The following BHLHA15 variants were observed in gnomAD, a reference collection of about 807,000 sequenced individuals.
BHLHA15 encodes the protein basic helix-loop-helix family member a15.
A neutral mutation model predicts 10.4 loss-of-function variants in BHLHA15; 7 were observed. The ratio of observed to expected loss-of-function variants is 0.67; its 90% CI spans 0.38 to 1.26. The LOEUF (loss-of-function observed/expected upper bound fraction) is 1.26. BHLHA15 is among the 50% of genes most tolerant of loss of function. The pLI, the probability that BHLHA15 is intolerant of heterozygous loss-of-function variation, is 0.02. For synonymous variants in BHLHA15, 140 were observed against 131.5 expected (o/e 1.06, Z -0.44); for missense variants, 289 against 287.4 (o/e 1.01, Z -0.04).
In BHLHA15 at chr7:98,212,894, T is replaced by G; in HGVS notation, c.*15T>G. Reference sequence around the variant, plus strand: ...AGGGCACCTAGCGCCCAGTCCTGGGTGGGGGTGGCGGTGGCCGCAGCTGCC... The same window carrying G: ...AGGGCACCTAGCGCCCAGTCCTGGGGGGGGGTGGCGGTGGCCGCAGCTGCC... On this transcript the variant is annotated 3_prime_UTR_variant, in exon 2 of 2. Transcript: ENST00000609256. 6.6e-7 allele frequency: 1 copy of G among 1,515,900 alleles called. No homozygotes were observed. Among genetic ancestry groups the G allele is most frequent in the Non-Finnish European group, 8.8e-7 (1 of 1,138,994 alleles). The allele number at this position is 1,515,900 out of a possible 1,614,324, so 93.9% of individuals were successfully genotyped here. A position where few individuals can be genotyped will look rare whatever the true frequency, so the allele number is the denominator to read the frequency against.
At position 98,213,053 on chromosome 7, in the gene BHLHA15, G is replaced by GC; in HGVS notation, c.*178dup. On this transcript the variant is annotated 3_prime_UTR_variant, in exon 2 of 2. Coordinates refer to ENST00000609256, the MANE Select transcript of BHLHA15 (RefSeq NM_177455.4). ...CCACTTCCCTGGAGCAATTTTTCCT[G>GC]CCCCGCTGGGGACCAGCGAGTGGCC... The GC allele has an allele frequency of 1.5e-6, 1 of 645,322 alleles. No homozygotes were observed. The highest frequency in any genetic ancestry group is 2.5e-6 in the Non-Finnish European group (1 of 400,004). The allele number at this position is 645,322 out of a possible 1,614,324, so 40.0% of individuals were successfully genotyped here.
At position 98,212,442 on chromosome 7, in the gene BHLHA15, C is replaced by T; in HGVS notation, c.133C>T (p.Pro45Ser). 1.3e-6 allele frequency: 2 copies of T among 1,520,750 alleles called. No individual in the cohort carries two copies. The highest frequency in any genetic ancestry group is 2.2e-5 in the Admixed American group (1 of 45,778). The allele number at this position is 1,520,750 out of a possible 1,614,324, so 94.2% of individuals were successfully genotyped here. ...PEPAKGLRSR[P>S]ARAAARAPGE... ...GCCGGCCAAGGGTCTGCGGAGCCGG[C>T]CGGCCCGGGCCGCAGCAAGGGCTCC... The change falls in exon 2 of 2, where the codon CCG (proline) becomes TCG (serine). Residue 45 changes from proline (P) to serine (S), a missense_variant. Pro to Ser is a moderately conservative substitution (Grantham distance 74, BLOSUM62 -1). Transcript: ENST00000609256.
chr7:98,212,687 G>T lies in BHLHA15; in HGVS notation c.378G>T (p.Ser126=), dbSNP rs1471624174. The T allele has an allele frequency of 1.9e-6, 3 of 1,574,008 alleles. No homozygotes were observed. The highest frequency in any genetic ancestry group is 3.3e-4 in the Middle Eastern group (2 of 6,002). ...TLTLAKNYIK[S]LTATILTMSS... ...CGCTGGCCAAGAACTACATCAAATCGCTGACGGCCACCATCCTGACCATGT... is the reference window on the plus strand; with the variant it reads ...CGCTGGCCAAGAACTACATCAAATCTCTGACGGCCACCATCCTGACCATGT... The change falls in exon 2 of 2, where the codon TCG becomes TCT. Residue 126 remains serine, a synonymous_variant. Transcript: ENST00000609256.
Sources: allele counts gnomAD v4.1 joint callset, GRCh38; gene constraint gnomAD v4.1.1; transcripts MANE v1.5; gene names NCBI Gene and HGNC (gene_info 2026-07-23, HGNC 2026-07-21).